KIAA2012: variants seen among roughly 807,000 people sequenced by gnomAD.
KIAA2012 encodes uncharacterized protein KIAA2012.
A neutral mutation model predicts 150.6 loss-of-function variants in KIAA2012; 125 were observed. The ratio of observed to expected loss-of-function variants is 0.83; its 90% CI spans 0.72 to 0.96. The LOEUF (loss-of-function observed/expected upper bound fraction) is 0.96, where lower values mean the gene tolerates loss of function less well. Among genes scored for constraint, KIAA2012 ranks in the 40% least tolerant of loss-of-function variants. KIAA2012 has a pLI of 0.00. For missense variants in KIAA2012, 1,219 were observed against 1,354.9 expected, an observed-to-expected ratio of 0.90 and a Z score of 1.57; for synonymous variants, 462 against 504.7, an observed-to-expected ratio of 0.92 and a Z score of 1.13.
intron 14 of KIAA2012, among the ~76,000 whole-genome samples, chr2:202,158,996 T>C (rs564705842): frequency 6.6e-6 from 1 of 152,272 alleles, no homozygotes; most frequent in Non-Finnish European, 1.5e-5. Flanking sequence ...TGCCCTCAAA[T>C]GCAAGGTAGA....
chr2:202,087,355 A>C (rs547853396), intron 2 of KIAA2012, among the ~76,000 whole-genome samples: 123 of 152,128 alleles, frequency 8.1e-4, no homozygotes, highest in African/African-American at 2.8e-3. Flanking sequence ...TCTACAAAAA[A>C]TACAAAAATT....
intron 22 of KIAA2012, among the ~76,000 whole-genome samples, chr2:202,200,871 T>C (rs561610305): frequency 6.6e-6 from 1 of 151,976 alleles, no homozygotes; most frequent in South Asian, 2.1e-4. Flanking sequence ...TACGCCCGGC[T>C]AATTTTGTAT....
At chr2:202,093,913 G>C (rs1054727392) in intron 4 of KIAA2012, among the ~76,000 whole-genome samples, 1 of 152,192 alleles carries the variant, frequency 6.6e-6, no homozygotes, top group Admixed American at 6.5e-5. Flanking sequence ...AAGACAACTG[G>C]GTAGCAGTAA....
chr2:202,132,694 ATG>A (rs143172000), intron 12 of KIAA2012, among the ~76,000 whole-genome samples: 1 of 102,648 alleles, frequency 9.7e-6, no homozygotes, highest in East Asian at 4.4e-4. Flanking sequence ...ATATATATGT[ATG>A]TATATATATA....
intron 22 of KIAA2012, among the ~76,000 whole-genome samples, chr2:202,199,526 A>C (rs1415861111): frequency 6.6e-6 from 1 of 152,190 alleles, no homozygotes; most frequent in African/African-American, 2.4e-5. Flanking sequence ...TCCACAAGTT[A>C]ACTGCACTAC....
Position 202,193,490 on chromosome 2 carries a change from A to G in KIAA2012, c.3001A>G (p.Thr1001Ala), listed in dbSNP as rs572542505. Residue 1001 changes from threonine (T) to alanine (A), a missense_variant, in exon 20 of 24, where the codon ACA becomes GCA. Thr to Ala is a moderately conservative substitution (Grantham distance 58). Transcript: ENST00000498697. ...EELELEQQRR[T>A]EEIRLRKQRL... ...GCTGGAGCTGGAGCAGCAGAGACGT[A>G]CAGAAGAGATCCGGTAGGTTGGGCA... 20 of 1,550,138 alleles carry G rather than the reference A, an allele frequency of 1.3e-5. No homozygotes were observed. The South Asian group carries it at 2.0e-4, about 16-fold the overall frequency.
chr2:202,105,253 G>C (rs115028105), intron 8 of KIAA2012, among the ~76,000 whole-genome samples: 3,614 of 145,688 alleles, frequency 0.025, 143 homozygotes, highest in African/African-American at 0.086. Flanking sequence ...GGGAGGGAGG[G>C]AGAGAGGAAA....
chr2:202,140,493 G>C (rs535300004), intron 13 of KIAA2012, among the ~76,000 whole-genome samples: 1 of 152,086 alleles, frequency 6.6e-6, no homozygotes, highest in South Asian at 2.1e-4. Flanking sequence ...GAAAGAAAGG[G>C]CATCTGAGGA....
At position 202,187,042 on chromosome 2, in the gene KIAA2012, G is replaced by A. The variant is rs1692242105; in HGVS notation, c.2320G>A (p.Glu774Lys). Reference sequence around the variant, plus strand: ...TACATCTCTTCTTCCAAGAGAAAGAGAAGGGAAGGCTGAACCAAGACTGTT... The same window carrying A: ...TACATCTCTTCTTCCAAGAGAAAGAAAAGGGAAGGCTGAACCAAGACTGTT... The part of the protein sequence containing the change: ...VYTSLLPRER[E>K]GKAEPRLFSQ... The change falls in exon 17 of 24, where the codon GAA becomes AAA. Residue 774 changes from glutamate to lysine, a missense_variant. Transcript: ENST00000498697. 1 of 1,550,616 alleles carries A rather than the reference G, an allele frequency of 6.4e-7. No homozygotes were observed. The highest frequency in any genetic ancestry group is 8.7e-7 in the Non-Finnish European group (1 of 1,146,998).
intron 14 of KIAA2012, among the ~76,000 whole-genome samples, chr2:202,159,921 G>T (rs1239259668): frequency 6.6e-6 from 1 of 152,188 alleles, no homozygotes; most frequent in Admixed American, 6.5e-5. Context: ...TAATAGTTTT[G>T]AAAGAATGTT....
chr2:202,180,110 A>G (rs1692088115), intron 15 of KIAA2012: 1 of 348,294 alleles, frequency 2.9e-6, no homozygotes, highest in African/African-American at 2.1e-5. Context: ...CATCTCTATT[A>G]AAAATACAAA....
intron 13 of KIAA2012, among the ~76,000 whole-genome samples, chr2:202,152,208 G>A (rs73992848): frequency 1.4e-3 from 210 of 152,026 alleles, no homozygotes; most frequent in African/African-American, 4.9e-3. Context: ...ACACTTGAAC[G>A]TAATGAGCAA....
chr2:202,089,907 T>C (rs1689675679), intron 2 of KIAA2012, among the ~76,000 whole-genome samples: 1 of 152,222 alleles, frequency 6.6e-6, no homozygotes, highest in Non-Finnish European at 1.5e-5. Flanking sequence ...TCTGTGCATG[T>C]TATATAATTT....
At chr2:202,134,614 G>A (rs1227107328) in intron 12 of KIAA2012, among the ~76,000 whole-genome samples, 1 of 152,218 alleles carries the variant, frequency 6.6e-6, no homozygotes, top group Non-Finnish European at 1.5e-5. Flanking sequence ...GAGTGCAATG[G>A]CACGATCTTA....
intron 15 of KIAA2012, among the ~76,000 whole-genome samples, chr2:202,176,156 T>C (rs1380394179): frequency 6.6e-6 from 1 of 152,190 alleles, no homozygotes; most frequent in African/African-American, 2.4e-5. Flanking sequence ...AAAAAACTTT[T>C]TACCTATTAT....
chr2:202,115,405 C>A (rs1243430188), intron 11 of KIAA2012: 4 of 152,184 alleles, frequency 2.6e-5, no homozygotes, highest in African/African-American at 7.2e-5. Flanking sequence ...AGTCTTCATT[C>A]TTTTCTCTCC....
chr2:202,097,236 A>G (rs1485829980), intron 4 of KIAA2012, among the ~76,000 whole-genome samples, 199 bp from the exon 5 acceptor site: 1 of 152,228 alleles, frequency 6.6e-6, no homozygotes, highest in African/African-American at 2.4e-5. Context: ...CCTGACTGCC[A>G]GTGCAGCTCT....
At chr2:202,145,482 A>G (rs1290441031) in intron 13 of KIAA2012, among the ~76,000 whole-genome samples, 1 of 152,126 alleles carries the variant, frequency 6.6e-6, no homozygotes, top group Non-Finnish European at 1.5e-5. Context: ...TTTCACTGCA[A>G]CTATCATTTA....
intron 10 of KIAA2012, among the ~76,000 whole-genome samples, chr2:202,112,521 G>A (rs776423679): frequency 7.9e-5 from 12 of 152,200 alleles, no homozygotes; most frequent in African/African-American, 2.7e-4. Flanking sequence ...AGAGCTGGTC[G>A]GTCAGAAGTA....
Sources: allele counts gnomAD v4.1 joint callset (sites outside exome capture counted in the v4.1 genomes callset), GRCh38; gene constraint gnomAD v4.1.1; transcripts MANE v1.5; gene names NCBI Gene and HGNC (gene_info 2026-07-23, HGNC 2026-07-21).